Variants in NFIA observed in about 807,000 individuals in gnomAD.
NFIA encodes nuclear factor 1 A-type.
Under a neutral mutation model 62.8 loss-of-function variants are expected in NFIA, and 8 were observed. The observed-to-expected ratio is 0.13, with a 90% confidence interval of 0.07 to 0.23. The LOEUF (loss-of-function observed/expected upper bound fraction) is 0.23. Among genes scored for constraint, NFIA ranks in the 10% least tolerant of loss-of-function variants. The pLI, the probability that NFIA is intolerant of heterozygous loss-of-function variation, is 1.00. For synonymous variants in NFIA, 235 were observed against 238.1 expected, an observed-to-expected ratio of 0.99 and a Z score of 0.12; for missense variants, 410 against 642.1, an observed-to-expected ratio of 0.64 and a Z score of 3.91.
At chr1:61,151,819 G>A (rs1285478225) in intron 2 of NFIA, among the ~76,000 whole-genome samples, 1 of 152,104 alleles carries the variant, frequency 6.6e-6, no homozygotes, top group African/African-American at 2.4e-5. Context: ...ACCACCCAGG[G>A]CCACTTATGT....
intron 2 of NFIA, among the ~76,000 whole-genome samples, chr1:61,275,490 T>C (rs1657754614): frequency 6.6e-6 from 1 of 152,182 alleles, no homozygotes; most frequent in South Asian, 2.1e-4. Context: ...ATAATTGAGA[T>C]AAAACTATTT....
chr1:61,205,937 G>C (rs1419832269), intron 2 of NFIA, among the ~76,000 whole-genome samples: 1 of 120,224 alleles, frequency 8.3e-6, no homozygotes, highest in African/African-American at 3.3e-5. Context: ...TTTTGAGACA[G>C]GGTCTTGCTT....
chr1:61,446,177 T>C (rs1036052529), intron 10 of NFIA, among the ~76,000 whole-genome samples: 2 of 152,198 alleles, frequency 1.3e-5, no homozygotes, highest in African/African-American at 4.8e-5. Context: ...AACTGGGACT[T>C]GAACCAGGCC....
intron 6 of NFIA, among the ~76,000 whole-genome samples, chr1:61,377,653 T>G (rs1479677407): frequency 6.6e-6 from 1 of 152,202 alleles, no homozygotes; most frequent in Non-Finnish European, 1.5e-5. Context: ...TAAATGAACA[T>G]TATTGAAACT....
chr1:61,158,357 G>C (rs1648953005), intron 2 of NFIA, among the ~76,000 whole-genome samples: 1 of 151,928 alleles, frequency 6.6e-6, no homozygotes, highest in Non-Finnish European at 1.5e-5. Flanking sequence ...TCTATGTCCT[G>C]CACATTAATT....
At chr1:61,333,066 CAT>C (rs1491170069) in intron 4 of NFIA, among the ~76,000 whole-genome samples, 1,600 of 137,094 alleles carry the variant, frequency 0.012, 11 homozygotes, top group Middle Eastern at 0.043. Flanking sequence ...CACACACACA[CAT>C]ACACACACAC....
Position 61,341,551 on chromosome 1 carries a change from TCCCTGTAACTCCACCTCCCAGGC to T in NFIA, c.700+8969_700+8991del, listed in dbSNP as rs545292672. On this transcript the variant is annotated intron_variant, in intron 4 of 10. Transcript: ENST00000403491. ...TGGAGTGTGGTGATACAATCATGGC[TCCCTGTAACTCCACCTCCCAGGC>T]CCCAGGGATCCTCCCACCTCAGCCT... 1.6e-3 allele frequency among the ~76,000 whole-genome samples: 243 copies of T among 150,866 alleles called. 4 individuals carry two copies. Among genetic ancestry groups the T allele is most frequent in the South Asian group, 4.8e-3 (23 of 4,816 alleles).
At chr1:61,212,631 T>G (rs1201319962) in intron 2 of NFIA, among the ~76,000 whole-genome samples, 1 of 152,214 alleles carries the variant, frequency 6.6e-6, no homozygotes, top group South Asian at 2.1e-4. Flanking sequence ...ATTTTATACA[T>G]TGCAGTTGTC....
intron 2 of NFIA, among the ~76,000 whole-genome samples, chr1:61,125,749 T>C (rs1646956232): frequency 6.6e-6 from 1 of 152,138 alleles, no homozygotes; most frequent in African/African-American, 2.4e-5. Flanking sequence ...GGAAGGGAGA[T>C]AGATGAAAGT....
chr1:61,131,205 CTCT>C lies in NFIA; in HGVS notation c.559+42531_559+42533del, dbSNP rs1482070737. ...ATCTTTCTTTTTTGTACACCTCACC[CTCT>C]TCTTCACTGATGCATTTTCCAGCAA... On this transcript the variant is annotated intron_variant, in intron 2 of 10. Transcript: ENST00000403491. Among the ~76,000 whole-genome samples, 4 of 150,814 alleles carry C rather than the reference CTCT, an allele frequency of 2.7e-5. No homozygotes were observed. In the East Asian group the frequency reaches 7.7e-4, roughly 29 times the overall value.
intron 2 of NFIA, among the ~76,000 whole-genome samples, chr1:61,129,952 G>T (rs547709928): frequency 1.3e-5 from 2 of 152,150 alleles, no homozygotes; most frequent in Admixed American, 1.3e-4. Flanking sequence ...GAGGGGATGC[G>T]CCTGTTAGAG....
At chr1:61,386,818 CTGGG>C (rs1470700489) in intron 7 of NFIA, among the ~76,000 whole-genome samples, 2 of 152,190 alleles carry the variant, frequency 1.3e-5, no homozygotes, top group African/African-American at 2.4e-5. Flanking sequence ...ACACCATAGA[CTGGG>C]TGGTCTATAA....
At chr1:61,103,846 A>G (rs940211922) in intron 2 of NFIA, among the ~76,000 whole-genome samples, 10 of 152,150 alleles carry the variant, frequency 6.6e-5, no homozygotes, top group Non-Finnish European at 1.2e-4. Context: ...ATATTAACCC[A>G]AAGGAATTAT....
chr1:61,364,325 A>G (rs1467041770), intron 6 of NFIA, among the ~76,000 whole-genome samples: 3 of 152,196 alleles, frequency 2.0e-5, no homozygotes, highest in African/African-American at 7.2e-5. Flanking sequence ...TGTCTTTTCC[A>G]TTGCTGTATC....
chr1:61,404,409 ATATT>A, intron 8 of NFIA, 127 bp downstream of exon 8: 1 of 968,568 alleles, frequency 1.0e-6, no homozygotes, highest in Non-Finnish European at 1.5e-6. Context: ...GGCAAATGTC[ATATT>A]TATTCTAGAT....
intron 4 of NFIA, among the ~76,000 whole-genome samples, chr1:61,338,312 C>G (rs144294965): frequency 1.3e-5 from 2 of 152,336 alleles, no homozygotes; most frequent in East Asian, 3.9e-4. Flanking sequence ...GCTGCCGGGT[C>G]CACTACAGGA....
intron 2 of NFIA, among the ~76,000 whole-genome samples, chr1:61,259,650 A>G (rs560203092): frequency 6.6e-6 from 1 of 152,316 alleles, no homozygotes; most frequent in South Asian, 2.1e-4. Context: ...TAAATTTAAG[A>G]CGGAGATCTG....
At chr1:61,193,146 A>G (rs907315832) in intron 2 of NFIA, among the ~76,000 whole-genome samples, 1 of 152,208 alleles carries the variant, frequency 6.6e-6, no homozygotes, top group Non-Finnish European at 1.5e-5. Context: ...TGTGCCTCCA[A>G]AACCTATCAA....
chr1:61,082,846 T>C, intron 1 of NFIA, 28 bp downstream of exon 1: 1 of 1,544,248 alleles, frequency 6.5e-7, no homozygotes, highest in Non-Finnish European at 8.7e-7. Flanking sequence ...TGCGGAGGGC[T>C]TGGGGGCCGG....
Sources: allele counts gnomAD v4.1 joint callset (sites outside exome capture counted in the v4.1 genomes callset), GRCh38; gene constraint gnomAD v4.1.1; transcripts MANE v1.5; gene names NCBI Gene and HGNC (gene_info 2026-07-23, HGNC 2026-07-21).